Variants in SORL1 observed in about 807,000 individuals in gnomAD.
The protein encoded by SORL1 is sortilin-related receptor.
A neutral mutation model predicts 273.7 loss-of-function variants in SORL1; 127 were observed. That is an observed-to-expected ratio of 0.46 (90% CI 0.40 to 0.54). The LOEUF is 0.54. SORL1 is among the 20% of genes least tolerant of loss of function. The probability of loss-of-function intolerance (pLI) is 0.00; values close to 1 mark genes in which losing one functional copy is unlikely to be tolerated. For missense variants in SORL1, 2,494 were observed against 2,846.1 expected, an observed-to-expected ratio of 0.88 and a Z score of 2.81; for synonymous variants, 1,031 against 1,067.4, an observed-to-expected ratio of 0.97 and a Z score of 0.66.
chr11:121,618,987 C>T, intron 42 of SORL1, 94 bp downstream of exon 42: 3 of 1,336,948 alleles, frequency 2.2e-6, no homozygotes, highest in Non-Finnish European at 2.1e-6. Flanking sequence ...CATACCTGGA[C>T]TCCAGGATTG....
At chr11:121,529,805 A>G (rs778534063) in intron 11 of SORL1, among the ~76,000 whole-genome samples, 1 of 152,210 alleles carries the variant, frequency 6.6e-6, no homozygotes, top group Non-Finnish European at 1.5e-5. Flanking sequence ...TTAACATTTA[A>G]TATAATTATT....
chr11:121,595,893 C>A lies in SORL1; in HGVS notation c.4519+121C>A. 9.2e-7 allele frequency: 1 copy of A among 1,084,036 alleles called. No individual in the cohort carries two copies. The highest frequency in any genetic ancestry group is 1.7e-5 in the South Asian group (1 of 60,068). 67.2% of individuals were successfully genotyped at this position (1,084,036 alleles called of 1,614,324 possible). A position where few individuals can be genotyped will look rare whatever the true frequency, so the allele number is the denominator to read the frequency against. On this transcript the variant is annotated intron_variant, in intron 32 of 47. Coordinates refer to ENST00000260197, the MANE Select transcript of SORL1 (RefSeq NM_003105.6). This position sits in a 1 kb window ranked among gnomAD's most constrained non-coding sequence, Gnocchi z 5.1. Reference sequence around the variant, plus strand: ...TGTGTGAGTCTGTGTACTTGCGTAACCATGCTCTTACTGCATTCTCCACAA... The same window carrying A: ...TGTGTGAGTCTGTGTACTTGCGTAAACATGCTCTTACTGCATTCTCCACAA...
intron 22 of SORL1, among the ~76,000 whole-genome samples, chr11:121,569,385 G>A (rs373232217): frequency 3.3e-5 from 5 of 152,198 alleles, no homozygotes; most frequent in African/African-American, 4.8e-5. Flanking sequence ...TGAGCCGGGC[G>A]GAACAGAGCC....
At chr11:121,478,081 A>G (rs1861307434) in intron 2 of SORL1, 37 bp from the exon 3 acceptor site, 2 of 1,562,988 alleles carry the variant, frequency 1.3e-6, no homozygotes, top group South Asian at 1.2e-5. Flanking sequence ...TTTCTCACCA[A>G]CTCTTTCTTT....
intron 32 of SORL1, among the ~76,000 whole-genome samples, chr11:121,602,473 T>C (rs1863408333): frequency 6.6e-6 from 1 of 152,230 alleles, no homozygotes; most frequent in African/African-American, 2.4e-5. Context: ...ACCTCCCCCA[T>C]CCTTGTATCT....
chr11:121,471,518 G>A lies in SORL1; in HGVS notation c.402+1395G>A, dbSNP rs530820814. Among the ~76,000 whole-genome samples the A allele has an allele frequency of 7.9e-5, 12 of 152,334 alleles. No homozygotes were observed. The South Asian group carries it at 1.7e-3, about 21-fold the overall frequency. On this transcript the variant is annotated intron_variant, in intron 2 of 47. Coordinates refer to ENST00000260197, the MANE Select transcript of SORL1 (RefSeq NM_003105.6). ...GCCTGGGGTCTGACACTGTGGCAGC[G>A]CGAGGCTGCAGACGGAACACCATGC...
intron 5 of SORL1, among the ~76,000 whole-genome samples, chr11:121,494,714 G>T (rs930027353): frequency 1.3e-5 from 2 of 152,086 alleles, no homozygotes; most frequent in African/African-American, 4.8e-5. Context: ...AAGAAAATTG[G>T]GATGAAAGTC....
At chr11:121,530,351 G>C (rs866683875) in intron 11 of SORL1, among the ~76,000 whole-genome samples, 11 of 120,180 alleles carry the variant, frequency 9.2e-5, no homozygotes, top group Middle Eastern at 4.3e-3. Context: ...GAATTCTCTT[G>C]TTTTTCCCTC....
At chr11:121,602,527 C>T (rs1157604458) in intron 32 of SORL1, among the ~76,000 whole-genome samples, 1 of 152,178 alleles carries the variant, frequency 6.6e-6, no homozygotes, top group Non-Finnish European at 1.5e-5. Context: ...ATCCATTCCT[C>T]TTGACCATCC....
In SORL1 at chr11:121,600,672, A is replaced by T. The variant is rs1335001022; in HGVS notation, c.4520-3521A>T. On this transcript the variant is annotated intron_variant, in intron 32 of 47. Transcript: ENST00000260197. ...CCTGGTAAAGGGTCTTAAAATCAAG[A>T]TGTGTTATATCCACGGTTTTTTTCC... Among the ~76,000 whole-genome samples, 11 of 152,204 alleles carry T rather than the reference A, an allele frequency of 7.2e-5. No homozygotes were observed. In the East Asian group the frequency reaches 2.1e-3, roughly 29 times the overall value.
At chr11:121,589,600 C>T (rs1467499491) in intron 29 of SORL1, among the ~76,000 whole-genome samples, 2 of 152,198 alleles carry the variant, frequency 1.3e-5, no homozygotes, top group Non-Finnish European at 2.9e-5. Flanking sequence ...TTTATTTGAT[C>T]TCCTTTCCTT....
At chr11:121,539,257 A>T (rs1418248567) in intron 12 of SORL1, among the ~76,000 whole-genome samples, 2 of 152,244 alleles carry the variant, frequency 1.3e-5, no homozygotes, top group African/African-American at 4.8e-5. Context: ...AATTACCACG[A>T]GGAAAGGAAA....
At chr11:121,468,088 A>C (rs1190634166) in intron 1 of SORL1, among the ~76,000 whole-genome samples, 3 of 152,190 alleles carry the variant, frequency 2.0e-5, no homozygotes, top group Non-Finnish European at 4.4e-5. Flanking sequence ...GAGCACCTCA[A>C]GGAGTGGGTG....
chr11:121,462,825 T>G (rs1861022585), intron 1 of SORL1, among the ~76,000 whole-genome samples: 1 of 152,196 alleles, frequency 6.6e-6, no homozygotes, highest in Non-Finnish European at 1.5e-5. Context: ...GCTCGAGGGA[T>G]CCACCCGCCT....
chr11:121,530,738 C>G (rs1862191691), intron 11 of SORL1, among the ~76,000 whole-genome samples: 1 of 152,076 alleles, frequency 6.6e-6, no homozygotes, highest in African/African-American at 2.4e-5. Flanking sequence ...GCTCCCATCC[C>G]TTTCTCCTGT....
chr11:121,604,278 C>T lies in SORL1; in HGVS notation c.4605C>T (p.Asp1535=), dbSNP rs376240326. The T allele has an allele frequency of 3.4e-5, 55 of 1,613,224 alleles. No homozygotes were observed. Among genetic ancestry groups the T allele is most frequent in the Admixed American group, 6.7e-5 (4 of 59,976 alleles). The change falls in exon 33 of 48, where the codon GAC becomes GAT. Residue 1535 remains aspartate (D), a synonymous_variant. Transcript: ENST00000260197. ...GCATTGTGCTCTCGGAGCGCTGCGA[C>T]GGCTTCCTGGACTGCTCGGACGAGA... is the stretch of plus-strand genomic sequence containing the variant. The part of the protein sequence containing the change: ...EACIVLSERC[D]GFLDCSDESD...
At chr11:121,604,500 C>T (rs968789106) in intron 33 of SORL1, among the ~76,000 whole-genome samples, 176 bp downstream of exon 33, 1 of 152,102 alleles carries the variant, frequency 6.6e-6, no homozygotes, top group African/African-American at 2.4e-5. Flanking sequence ...CTTGGCCAGA[C>T]TCTGATACAA....
At chr11:121,591,889 A>T (rs1421220965) in intron 31 of SORL1, among the ~76,000 whole-genome samples, 1 of 152,222 alleles carries the variant, frequency 6.6e-6, no homozygotes, top group African/African-American at 2.4e-5. Flanking sequence ...AACCTAAAGC[A>T]TGTAGGGATC....
chr11:121,515,154 C>A (rs890855849), intron 8 of SORL1, among the ~76,000 whole-genome samples: 1 of 152,218 alleles, frequency 6.6e-6, no homozygotes, highest in South Asian at 2.1e-4. Context: ...TATGCTGCTG[C>A]TCTCTGCCAG....
Sources: allele counts gnomAD v4.1 joint callset (sites outside exome capture counted in the v4.1 genomes callset), GRCh38; gene constraint gnomAD v4.1.1; non-coding constraint Gnocchi (gnomAD v3.1); transcripts MANE v1.5; gene names NCBI Gene and HGNC (gene_info 2026-07-23, HGNC 2026-07-21).